The following CKAP4 variants were observed in gnomAD, a reference collection of about 807,000 sequenced individuals.
CKAP4 encodes the protein cytoskeleton associated protein 4.
In CKAP4, 20 loss-of-function variants were observed where a neutral mutation model predicts 24.4. The ratio of observed to expected loss-of-function variants is 0.82; its 90% CI spans 0.58 to 1.19. The LOEUF (loss-of-function observed/expected upper bound fraction) is 1.19. Ranked by LOEUF, CKAP4 falls within the 50% of genes most tolerant of loss-of-function variation. The pLI, the probability that CKAP4 is intolerant of heterozygous loss-of-function variation, is 0.00. For synonymous variants in CKAP4, 378 were observed against 351.7 expected, an observed-to-expected ratio of 1.07 and a Z score of -0.84; for missense variants, 744 against 765.3, an observed-to-expected ratio of 0.97 and a Z score of 0.33.
chr12:106,239,491 G>A lies in CKAP4; in HGVS notation c.1342C>T (p.Leu448=), dbSNP rs1267178614. The change falls in exon 2 of 2, where the codon CTG becomes TTG. Residue 448 remains leucine, a synonymous_variant. Transcript: ENST00000378026. The surrounding 1 kb of genome is among the most constrained non-coding windows in gnomAD (Gnocchi z 4.9). ...LSKSQEHEQR[L]AALQGRLEGL... is the part of the protein sequence containing the mutation. ...TCCAGGCGCCCCTGCAGGGCGGCCA[G>A]GCGCTGCTCGTGCTCCTGGCTCTTG... is the stretch of plus-strand genomic sequence containing the variant. The A allele has an allele frequency of 3.7e-6, 6 of 1,607,686 alleles. No individual in the cohort carries two copies. In the East Asian group the frequency reaches 1.3e-4, roughly 36 times the overall value.
chr12:106,247,585 AGCGGCG>A lies in CKAP4; in HGVS notation c.261_266del (p.Ala93_Ala94del). 8 of 1,337,402 alleles carry A rather than the reference AGCGGCG, an allele frequency of 6.0e-6. No homozygotes were observed. The highest frequency in any genetic ancestry group is 2.9e-5 in the Admixed American group (1 of 34,158). 82.8% of individuals were successfully genotyped at this position (1,337,402 alleles called of 1,614,324 possible). ...CCGAGGACGAGGCGGCGGCGGCGGC[AGCGGCG>A]GCGGAGGCGGAGGAGGAGGAGGAGG... On this transcript the variant is annotated inframe_deletion, in exon 1 of 2. Coordinates refer to ENST00000378026, the MANE Select transcript of CKAP4 (RefSeq NM_006825.4). The surrounding 1 kb of genome is among the most constrained non-coding windows in gnomAD (Gnocchi z 4.5).
intron 1 of CKAP4, 30 bp from the exon 2 acceptor site, chr12:106,240,379 G>A: frequency 6.3e-7 from 1 of 1,589,418 alleles, no homozygotes; most frequent in African/African-American, 1.4e-5. Context: ...GTTAATTGCT[G>A]AGAAGAGCTG....
Position 106,239,380 on chromosome 12 carries a change from C to G in CKAP4, c.1453G>C (p.Asp485His). 1 of 1,601,010 alleles carries G rather than the reference C, an allele frequency of 6.2e-7. No individual in the cohort carries two copies. The highest frequency in any genetic ancestry group is 1.1e-5 in the South Asian group (1 of 91,054). ...ACACTCCTCTTCAGCTCCTCCACGT[C>G]ACCGTAGAGCACCAGCTGGGTCTCG... ...LGETQLVLYG[D>H]VEELKRSVGE... The change falls in exon 2 of 2, where the codon GAC (aspartate) becomes CAC (histidine). Residue 485 changes from aspartate (D) to histidine (H), a missense_variant. By Grantham distance (81) the Asp-to-His change is moderately conservative (BLOSUM62 -1). This residue lies in a region of CKAP4 where 401 missense variants were observed against 424.5 expected (regional missense o/e 0.94). Coordinates refer to ENST00000378026, the MANE Select transcript of CKAP4 (RefSeq NM_006825.4). This position sits in a 1 kb window ranked among gnomAD's most constrained non-coding sequence, Gnocchi z 4.9.
intron 1 of CKAP4, among the ~76,000 whole-genome samples, chr12:106,242,934 T>C (rs1166246946): frequency 6.6e-6 from 1 of 152,176 alleles, no homozygotes; most frequent in East Asian, 1.9e-4. Flanking sequence ...AAAAAGAACA[T>C]GGTGTTCCCC....
chr12:106,240,131 C>G lies in CKAP4; in HGVS notation c.702G>C (p.Glu234Asp). Reference protein sequence around the residue: ...DARERDFTSLENTVEERLTEL... With the variant: ...DARERDFTSLDNTVEERLTEL... ...CCGTCAGCCGCTCCTCCACCGTGTT[C>G]TCCAGGGACGTGAAGTCCCGCTCCC... Residue 234 changes from glutamate to aspartate, a missense_variant, in exon 2 of 2, where the codon GAG (glutamate) becomes GAC (aspartate). Coordinates refer to ENST00000378026, the MANE Select transcript of CKAP4 (RefSeq NM_006825.4). The G allele has an allele frequency of 6.2e-7, 1 of 1,614,226 alleles. No homozygotes were observed. Among genetic ancestry groups the G allele is most frequent in the Admixed American group, 1.7e-5 (1 of 60,022 alleles).
Position 106,247,653 on chromosome 12 carries a change from C to T in CKAP4, c.199G>A (p.Gly67Ser). 9.1e-7 allele frequency: 1 copy of T among 1,097,706 alleles called. No individual in the cohort carries two copies. Among genetic ancestry groups the T allele is most frequent in the Non-Finnish European group, 1.1e-6 (1 of 876,072 alleles). 68.0% of individuals were successfully genotyped at this position (1,097,706 alleles called of 1,614,324 possible). The part of the protein sequence containing the change: ...QHPQNQAHGK[G>S]GHRGGGGGGG... The stretch of plus-strand genomic sequence containing the variant: ...CCGCCGCCGCCGCCGCGGTGGCCGC[C>T]CTTGCCGTGCGCCTGGTTCTGCGGG... The change falls in exon 1 of 2, where the codon GGC (glycine) becomes AGC (serine). Residue 67 changes from glycine to serine, a missense_variant. Gly to Ser is a moderately conservative substitution (Grantham distance 56). Coordinates refer to ENST00000378026, the MANE Select transcript of CKAP4 (RefSeq NM_006825.4). This position sits in a 1 kb window ranked among gnomAD's most constrained non-coding sequence, Gnocchi z 4.5.
Position 106,247,147 on chromosome 12 carries a change from C to A in CKAP4, c.483+222G>T, listed in dbSNP as rs2034018905. On this transcript the variant is annotated intron_variant, in intron 1 of 1. Transcript: ENST00000378026. This position sits in a 1 kb window ranked among gnomAD's most constrained non-coding sequence, Gnocchi z 4.5. ...GGCGGCCCATCCCTCGGGGCCGATT[C>A]CTCCGCAGCCATTAACAAAGGGGGT... 6.6e-6 allele frequency among the ~76,000 whole-genome samples: 1 copy of A among 152,148 alleles called. No individual in the cohort carries two copies. The highest frequency in any genetic ancestry group is 2.4e-5 in the African/African-American group (1 of 41,466).
intron 1 of CKAP4, among the ~76,000 whole-genome samples, chr12:106,241,124 T>A (rs983466971): frequency 2.0e-5 from 3 of 152,088 alleles, no homozygotes; most frequent in African/African-American, 7.2e-5. Flanking sequence ...TTTAAAGCCA[T>A]TTTTGAAATA....
At position 106,239,324 on chromosome 12, in the gene CKAP4, G is replaced by C. The variant is rs374249603; in HGVS notation, c.1509C>G (p.Leu503=). 1.2e-6 allele frequency: 2 copies of C among 1,609,094 alleles called. No homozygotes were observed. Among genetic ancestry groups the C allele is most frequent in the African/African-American group, 2.7e-5 (2 of 74,924 alleles). The change falls in exon 2 of 2, where the codon CTC becomes CTG. Residue 503 remains leucine (L), a synonymous_variant. Transcript: ENST00000378026. This position sits in a 1 kb window ranked among gnomAD's most constrained non-coding sequence, Gnocchi z 4.9. ...TGTGCACCTGCTCCTGCACCTTCTG[G>C]AGTGATTCCACGGTGCTGGGGAGCT... The part of the protein sequence containing the change: ...VGELPSTVES[L]QKVQEQVHTL...
At chr12:106,246,411 C>T (rs960630060) in intron 1 of CKAP4, among the ~76,000 whole-genome samples, 7 of 152,184 alleles carry the variant, frequency 4.6e-5, no homozygotes, top group South Asian at 4.2e-4. Flanking sequence ...TATTATTCAC[C>T]AGTATGATCT....
chr12:106,239,570 G>C lies in CKAP4; in HGVS notation c.1263C>G (p.Leu421=). 1 of 1,613,760 alleles carries C rather than the reference G, an allele frequency of 6.2e-7. No homozygotes were observed. Among genetic ancestry groups the C allele is most frequent in the African/African-American group, 1.3e-5 (1 of 75,046 alleles). ...GGCGCGCAGAAGCCACCTGCATGGA[G>C]AGCACCCCATCCTCCACGTGCTGGA... ...SRLQHVEDGV[L]SMQVASARQT... is the part of the protein sequence containing the mutation. The change falls in exon 2 of 2, where the codon CTC becomes CTG. Residue 421 remains leucine, a synonymous_variant. Transcript: ENST00000378026. This position sits in a 1 kb window ranked among gnomAD's most constrained non-coding sequence, Gnocchi z 4.9.
intron 1 of CKAP4, among the ~76,000 whole-genome samples, chr12:106,243,567 C>A (rs879343198): frequency 6.6e-6 from 1 of 152,218 alleles, no homozygotes; most frequent in African/African-American, 2.4e-5. Context: ...CTTTATATCA[C>A]GCTGGATCTG....
chr12:106,247,418 G>C lies in CKAP4; in HGVS notation c.434C>G (p.Ser145Cys). Residue 145 changes from serine to cysteine, a missense_variant, in exon 1 of 2, where the codon TCC (serine) becomes TGC (cysteine). Transcript: ENST00000378026. The surrounding 1 kb of genome is among the most constrained non-coding windows in gnomAD (Gnocchi z 4.5). Reference protein sequence around the residue: ...QQVRRSHQDFSRQREELGQGL... With the variant: ...QQVRRSHQDFCRQREELGQGL... ...CTGGCCCAGCTCCTCCCTCTGCCGG[G>C]AGAAGTCCTGGTGGCTGCGCCGGAC... is the stretch of plus-strand genomic sequence containing the variant. 6.5e-7 allele frequency: 1 copy of C among 1,544,434 alleles called. No homozygotes were observed. The highest frequency in any genetic ancestry group is 8.7e-7 in the Non-Finnish European group (1 of 1,147,272).
At chr12:106,240,634 G>C (rs1479324489) in intron 1 of CKAP4, among the ~76,000 whole-genome samples, 2 of 149,372 alleles carry the variant, frequency 1.3e-5, no homozygotes, top group African/African-American at 2.5e-5. Context: ...AACCATTAAA[G>C]GTGGCACATG....
At chr12:106,242,802 C>A (rs1207440219) in intron 1 of CKAP4, among the ~76,000 whole-genome samples, 1 of 152,200 alleles carries the variant, frequency 6.6e-6, no homozygotes, top group Non-Finnish European at 1.5e-5. Context: ...GGAATTCAAG[C>A]AAAGCCTGAT....
Position 106,247,694 on chromosome 12 carries a change from T to C in CKAP4, c.158A>G (p.Gln53Arg). The C allele has an allele frequency of 9.5e-7, 1 of 1,047,906 alleles. No individual in the cohort carries two copies. Among genetic ancestry groups the C allele is most frequent in the Non-Finnish European group, 1.1e-6 (1 of 878,422 alleles). 64.9% of individuals were successfully genotyped at this position (1,047,906 alleles called of 1,614,324 possible). The change falls in exon 1 of 2, where the codon CAG becomes CGG. Residue 53 changes from glutamine (Q) to arginine (R), a missense_variant. This residue lies in a region of CKAP4 where 300 missense variants were observed against 264.5 expected (regional missense o/e 1.13). Transcript: ENST00000378026. The surrounding 1 kb of genome is among the most constrained non-coding windows in gnomAD (Gnocchi z 4.5). Reference sequence around the variant, plus strand: ...GTTCTGCGGGTGCTGCTGCGGGTGCTGCTGCGGGTGCGGCGCGGGCGGCGG... The same window carrying C: ...GTTCTGCGGGTGCTGCTGCGGGTGCCGCTGCGGGTGCGGCGCGGGCGGCGG... The part of the protein sequence containing the change: ...PPPPPAPHPQ[Q>R]HPQQHPQNQA...
intron 1 of CKAP4, among the ~76,000 whole-genome samples, chr12:106,240,787 G>A (rs1382205896): frequency 6.6e-6 from 1 of 152,012 alleles, no homozygotes; most frequent in Non-Finnish European, 1.5e-5. Context: ...CCCACAATGT[G>A]GAAAATTCTA....
rs1565948278 is a variant in CKAP4, at chr12:106,239,483, G to A, written c.1350C>T (p.Ala450=). The change falls in exon 2 of 2, where the codon GCC becomes GCT. Residue 450 remains alanine, a synonymous_variant. Transcript: ENST00000378026. The surrounding 1 kb of genome is among the most constrained non-coding windows in gnomAD (Gnocchi z 4.9). ...KSQEHEQRLA[A]LQGRLEGLGS... Reference sequence around the variant, plus strand: ...CGAGGCCTTCCAGGCGCCCCTGCAGGGCGGCCAGGCGCTGCTCGTGCTCCT... The same window carrying A: ...CGAGGCCTTCCAGGCGCCCCTGCAGAGCGGCCAGGCGCTGCTCGTGCTCCT... 1.9e-6 allele frequency: 3 copies of A among 1,606,636 alleles called. No individual in the cohort carries two copies. The highest frequency in any genetic ancestry group is 2.5e-6 in the Non-Finnish European group (3 of 1,179,626).
chr12:106,245,874 C>T (rs528225242), intron 1 of CKAP4, among the ~76,000 whole-genome samples: 1 of 152,092 alleles, frequency 6.6e-6, no homozygotes, highest in African/African-American at 2.4e-5. Context: ...GGATTACAGG[C>T]GTGAGCCACC....
Sources: gnomAD v4.1 joint callset for allele counts (sites outside exome capture counted in the v4.1 genomes callset) on GRCh38, gnomAD v4.1.1 for gene constraint, gnomAD v4.1.1 regional missense constraint, Gnocchi (gnomAD v3.1) non-coding constraint, MANE v1.5 for transcripts, NCBI Gene and HGNC (gene_info 2026-07-23, HGNC 2026-07-21) for gene names.